Variants in PCOLCE2 observed in about 807,000 individuals in gnomAD.
PCOLCE2 encodes the protein procollagen C-proteinase enhancer 2.
A neutral mutation model predicts 47.0 loss-of-function variants in PCOLCE2; 42 were observed. That is an observed-to-expected ratio of 0.89 (90% confidence interval 0.70 to 1.16). PCOLCE2 has a LOEUF of 1.16. Ranked by LOEUF, PCOLCE2 falls within the 50% of genes most tolerant of loss-of-function variation. PCOLCE2 has a pLI of 0.00. For missense variants in PCOLCE2, 500 were observed against 526.1 expected (o/e 0.95, Z 0.49); for synonymous variants, 169 against 191.7 (o/e 0.88, Z 0.98).
chr3:142,852,525 A>C (rs1932970178), intron 2 of PCOLCE2, among the ~76,000 whole-genome samples: 1 of 151,936 alleles, frequency 6.6e-6, no homozygotes, highest in Non-Finnish European at 1.5e-5. Context: ...TAATGAAGTA[A>C]ATAAAACATT....
intron 2 of PCOLCE2, among the ~76,000 whole-genome samples, chr3:142,885,389 C>A (rs1187660820): frequency 6.6e-6 from 1 of 152,180 alleles, no homozygotes; most frequent in Non-Finnish European, 1.5e-5. Flanking sequence ...AAAAGTGATA[C>A]TGAATCACTC....
At position 142,848,370 on chromosome 3, in the gene PCOLCE2, T is replaced by C. The variant is rs1291558546; in HGVS notation, c.295A>G (p.Asn99Asp). Residue 99 changes from asparagine to aspartate, a missense_variant, in exon 3 of 9, where the codon AAT becomes GAT. Transcript: ENST00000295992. Reference protein sequence around the residue: ...DFVDVYNGHANGQRIGRFCGT... With the variant: ...DFVDVYNGHADGQRIGRFCGT... Reference sequence around the variant, plus strand: ...CAGAAGCGGCCAATGCGCTGGCCATTGGCATGGCCATTGTACACATCCACA... The same window carrying C: ...CAGAAGCGGCCAATGCGCTGGCCATCGGCATGGCCATTGTACACATCCACA... The C allele has an allele frequency of 6.2e-7, 1 of 1,614,078 alleles. No individual in the cohort carries two copies. Among genetic ancestry groups the C allele is most frequent in the Non-Finnish European group, 8.5e-7 (1 of 1,179,892 alleles).
intron 2 of PCOLCE2, among the ~76,000 whole-genome samples, chr3:142,852,279 G>A (rs1932958489): frequency 6.6e-6 from 1 of 152,140 alleles, no homozygotes; most frequent in African/African-American, 2.4e-5. Context: ...TCTGATGCAA[G>A]CTTTGATAAG....
Position 142,848,458 on chromosome 3 carries a change from T to A in PCOLCE2, c.207A>T (p.Lys69Asn). ...CTWKITVPEG[K>N]VVVLNFRFID... Reference sequence around the variant, plus strand: ...TGAATCGGAAATTGAGAACGACTACTTTTCCTTCGGGAACCTGCCAAGAAA... The same window carrying A: ...TGAATCGGAAATTGAGAACGACTACATTTCCTTCGGGAACCTGCCAAGAAA... Residue 69 changes from lysine (K) to asparagine (N), a missense_variant, in exon 3 of 9, where the codon AAA (lysine) becomes AAT (asparagine). By Grantham distance (94) the Lys-to-Asn change is moderately conservative. Coordinates refer to ENST00000295992, the MANE Select transcript of PCOLCE2 (RefSeq NM_013363.4). The A allele has an allele frequency of 6.3e-7, 1 of 1,596,758 alleles. No homozygotes were observed. The highest frequency in any genetic ancestry group is 8.6e-7 in the Non-Finnish European group (1 of 1,166,776).
At chr3:142,841,374 CTT>C (rs751295981) in intron 4 of PCOLCE2, among the ~76,000 whole-genome samples, 7 of 152,186 alleles carry the variant, frequency 4.6e-5, no homozygotes, top group African/African-American at 1.7e-4. Flanking sequence ...AAAAATCAAA[CTT>C]AACATTTAAA....
intron 1 of PCOLCE2, among the ~76,000 whole-genome samples, chr3:142,888,387 C>G (rs1340491228): frequency 6.6e-6 from 1 of 152,142 alleles, no homozygotes; most frequent in East Asian, 1.9e-4. Context: ...GCTCCCTAGG[C>G]GCCGCGCCGC....
intron 8 of PCOLCE2, 121 bp downstream of exon 8, chr3:142,820,757 A>G: frequency 1.3e-6 from 1 of 778,556 alleles, no homozygotes; most frequent in East Asian, 2.6e-5. Context: ...CCTGACTCCA[A>G]AGGCCTTCCT....
At chr3:142,880,231 T>C (rs1251468919) in intron 2 of PCOLCE2, among the ~76,000 whole-genome samples, 1 of 149,174 alleles carries the variant, frequency 6.7e-6, no homozygotes, top group Non-Finnish European at 1.5e-5. Flanking sequence ...AATGTATACA[T>C]ATACATTAAA....
At chr3:142,837,059 A>G (rs897842271) in intron 5 of PCOLCE2, among the ~76,000 whole-genome samples, 2 of 152,198 alleles carry the variant, frequency 1.3e-5, no homozygotes, top group Non-Finnish European at 2.9e-5. Context: ...AAGTGCCCTT[A>G]TAAGAGGGAG....
chr3:142,839,827 AAAAG>A (rs1937246411), intron 4 of PCOLCE2, among the ~76,000 whole-genome samples: 1 of 152,256 alleles, frequency 6.6e-6, no homozygotes, highest in African/African-American at 2.4e-5. Context: ...GAGAAAAAGA[AAAAG>A]AAAGAGAAAA....
At chr3:142,861,953 A>G (rs1355136804) in intron 2 of PCOLCE2, among the ~76,000 whole-genome samples, 1 of 152,186 alleles carries the variant, frequency 6.6e-6, no homozygotes, top group Non-Finnish European at 1.5e-5. Flanking sequence ...TGCAGCTTTC[A>G]TCGGAGGAGC....
chr3:142,888,860 G>T lies in PCOLCE2; in HGVS notation c.37C>A (p.Leu13Met), dbSNP rs368648610. ...GANAWAPLCL[L>M]LAAATQLSRQ... ...GAGAGCTGGGTGGCGGCAGCCAGCA[G>T]CAGGCAGAGTGGCGCCCAGGCGTTC... The change falls in exon 1 of 9, where the codon CTG (leucine) becomes ATG (methionine). Residue 13 changes from leucine (L) to methionine (M), a missense_variant. Coordinates refer to ENST00000295992, the MANE Select transcript of PCOLCE2 (RefSeq NM_013363.4). The T allele has an allele frequency of 5.4e-5, 83 of 1,551,008 alleles. No homozygotes were observed. The highest frequency in any genetic ancestry group is 6.7e-5 in the Non-Finnish European group (77 of 1,151,476).
intron 2 of PCOLCE2, among the ~76,000 whole-genome samples, chr3:142,884,400 C>G (rs896924377): frequency 3.3e-5 from 5 of 152,298 alleles, no homozygotes; most frequent in Admixed American, 6.5e-5. Context: ...GCTGTCAAAT[C>G]ACATTTAACT....
intron 2 of PCOLCE2, among the ~76,000 whole-genome samples, chr3:142,884,248 T>C (rs967892793): frequency 6.6e-5 from 10 of 152,216 alleles, no homozygotes; most frequent in African/African-American, 2.4e-5. Flanking sequence ...CATTTCTTGC[T>C]GCAGGGCTTA....
chr3:142,881,430 G>A (rs1933618062), intron 2 of PCOLCE2, among the ~76,000 whole-genome samples: 1 of 152,102 alleles, frequency 6.6e-6, no homozygotes, highest in African/African-American at 2.4e-5. Flanking sequence ...TTAGTTCCAT[G>A]ATTTCTATCA....
At chr3:142,827,598 C>T (rs1578029676) in intron 6 of PCOLCE2, 19 of 1,476,614 alleles carry the variant, frequency 1.3e-5, no homozygotes, top group Admixed American at 6.7e-5. Context: ...GCCTTCTTGC[C>T]GCAATACACA....
At chr3:142,821,072 T>C in intron 7 of PCOLCE2, 27 bp from the exon 8 acceptor site, 2 of 1,557,862 alleles carry the variant, frequency 1.3e-6, no homozygotes, top group Non-Finnish European at 8.8e-7. Flanking sequence ...TTTGAAGTGA[T>C]GTGACAGTGA....
intron 2 of PCOLCE2, among the ~76,000 whole-genome samples, chr3:142,859,250 A>G (rs916818328): frequency 6.6e-6 from 1 of 151,890 alleles, no homozygotes; most frequent in Non-Finnish European, 1.5e-5. Flanking sequence ...TTTAGTGGAG[A>G]CGGGGTTTCA....
Position 142,889,062 on chromosome 3 carries a change from G to A in PCOLCE2, c.-166C>T, listed in dbSNP as rs1933775059. The A allele has an allele frequency of 5.2e-6, 2 of 387,090 alleles. No homozygotes were observed. The highest frequency in any genetic ancestry group is 1.3e-4 in the South Asian group (1 of 7,716). The allele number at this position is 387,090 out of a possible 1,614,324, so 24.0% of individuals were successfully genotyped here. A position where few individuals can be genotyped will look rare whatever the true frequency, so the allele number is the denominator to read the frequency against. The stretch of plus-strand genomic sequence containing the variant: ...TCTCACGCGCGCACCGCCGCGGGGC[G>A]GCCCAGGTAGCCGGGGGATACGCGG... On this transcript the variant is annotated 5_prime_UTR_variant, in exon 1 of 9. Coordinates refer to ENST00000295992, the MANE Select transcript of PCOLCE2 (RefSeq NM_013363.4).
Sources: allele counts gnomAD v4.1 joint callset (sites outside exome capture counted in the v4.1 genomes callset), GRCh38; gene constraint gnomAD v4.1.1; transcripts MANE v1.5; gene names NCBI Gene and HGNC (gene_info 2026-07-23, HGNC 2026-07-21).